The following RSU1 variants were observed in gnomAD, a reference collection of about 807,000 sequenced individuals.
RSU1 encodes the protein Ras suppressor protein 1, also known as rsu-1.
A neutral mutation model predicts 31.1 loss-of-function variants in RSU1; 26 were observed. The observed-to-expected ratio is 0.84, with a 90% confidence interval of 0.61 to 1.16. RSU1 has a LOEUF of 1.16. Ranked by LOEUF, RSU1 falls within the 50% of genes most tolerant of loss-of-function variation. The pLI is 0.00. For synonymous variants in RSU1, 164 were observed against 136.3 expected, an observed-to-expected ratio of 1.20 and a Z score of -1.41; for missense variants, 320 against 339.1, an observed-to-expected ratio of 0.94 and a Z score of 0.44.
intron 7 of RSU1, 29 bp downstream of exon 7, chr10:16,752,510 G>A (rs749358081): frequency 1.3e-6 from 2 of 1,521,592 alleles, no homozygotes; most frequent in South Asian, 1.1e-5. Flanking sequence ...ATGAAACCCA[G>A]AACTAAGTTC....
chr10:16,609,445 A>C (rs1200437739), intron 8 of RSU1, among the ~76,000 whole-genome samples: 1 of 152,180 alleles, frequency 6.6e-6, no homozygotes, highest in African/African-American at 2.4e-5. Context: ...TCATCTAAGA[A>C]TCTCACCCAC....
chr10:16,786,410 A>G (rs1312847049), intron 2 of RSU1, among the ~76,000 whole-genome samples: 2 of 152,142 alleles, frequency 1.3e-5, no homozygotes, highest in Admixed American at 6.5e-5. Context: ...CTTCTGACAC[A>G]AGATATTCAG....
intron 3 of RSU1, among the ~76,000 whole-genome samples, chr10:16,781,539 T>C (rs1837648868): frequency 6.6e-6 from 1 of 152,344 alleles, no homozygotes; most frequent in Non-Finnish European, 1.5e-5. Context: ...TCTAACAATT[T>C]CAAGTTTTCA....
At chr10:16,629,305 G>T (rs149738026) in intron 8 of RSU1, among the ~76,000 whole-genome samples, 2 of 152,128 alleles carry the variant, frequency 1.3e-5, no homozygotes, top group Non-Finnish European at 2.9e-5. Flanking sequence ...CTGCTGAACC[G>T]GCCCCTACCC....
intron 2 of RSU1, among the ~76,000 whole-genome samples, chr10:16,791,784 G>T (rs893973154): frequency 6.6e-6 from 1 of 152,098 alleles, no homozygotes; most frequent in Admixed American, 6.5e-5. Flanking sequence ...TATAAGGAAG[G>T]CAAAATAAGC....
chr10:16,730,246 A>G (rs1836480875), intron 7 of RSU1, among the ~76,000 whole-genome samples: 1 of 152,180 alleles, frequency 6.6e-6, no homozygotes, highest in Non-Finnish European at 1.5e-5. Flanking sequence ...CCAATGTCCC[A>G]AAGACCTCCC....
intron 8 of RSU1, among the ~76,000 whole-genome samples, chr10:16,610,338 C>T (rs1423566423): frequency 6.6e-6 from 1 of 152,138 alleles, no homozygotes; most frequent in Admixed American, 6.5e-5. Context: ...AGATGAAAGA[C>T]ATTTTAAAGG....
intron 7 of RSU1, among the ~76,000 whole-genome samples, chr10:16,717,320 A>G (rs551431835): frequency 6.6e-6 from 1 of 152,230 alleles, no homozygotes; most frequent in Admixed American, 6.5e-5. Flanking sequence ...TATAAGTGAC[A>G]TAACTGCCAA....
chr10:16,802,244 TTAC>T (rs1564363209), intron 2 of RSU1, among the ~76,000 whole-genome samples: 1 of 148,984 alleles, frequency 6.7e-6, no homozygotes, highest in East Asian at 1.9e-4. Context: ...AGAAGGGCCA[TTAC>T]TACTGATTTC....
chr10:16,727,245 A>G (rs569748810), intron 7 of RSU1: 1 of 427,288 alleles, frequency 2.3e-6, no homozygotes, highest in South Asian at 1.7e-5. Context: ...CTTTTGTTAT[A>G]ATTTCACAGA....
At chr10:16,619,693 T>A (rs1460798940) in intron 8 of RSU1, among the ~76,000 whole-genome samples, 2 of 152,214 alleles carry the variant, frequency 1.3e-5, no homozygotes, top group Admixed American at 6.5e-5. Flanking sequence ...CAGAATATGG[T>A]CATTTCTTAG....
intron 7 of RSU1, among the ~76,000 whole-genome samples, chr10:16,738,895 G>T (rs987304269): frequency 6.9e-6 from 1 of 145,690 alleles, no homozygotes; most frequent in Admixed American, 6.9e-5. Context: ...AGGGTGTGAT[G>T]TTCCCCTCCC....
intron 7 of RSU1, among the ~76,000 whole-genome samples, chr10:16,724,377 A>C (rs1836340793): frequency 6.6e-6 from 1 of 152,260 alleles, no homozygotes; most frequent in Admixed American, 6.5e-5. Context: ...CCAACACCAC[A>C]AACTATAATG....
At chr10:16,644,321 C>A (rs572798496) in intron 8 of RSU1, among the ~76,000 whole-genome samples, 1 of 152,142 alleles carries the variant, frequency 6.6e-6, no homozygotes, top group South Asian at 2.1e-4. Context: ...ACATGTTTCT[C>A]GATAGTCTGA....
intron 8 of RSU1, among the ~76,000 whole-genome samples, chr10:16,688,893 A>T (rs148569399): frequency 3.4e-4 from 51 of 152,094 alleles, no homozygotes; most frequent in Non-Finnish European, 1.0e-4. Flanking sequence ...CTGTAGTCCC[A>T]GGTACTAGGG....
At chr10:16,777,275 A>C (rs185727607) in intron 3 of RSU1, among the ~76,000 whole-genome samples, 12 of 152,290 alleles carry the variant, frequency 7.9e-5, no homozygotes, top group East Asian at 7.7e-4. Flanking sequence ...AAAAAAAAAA[A>C]CTCAAATATG....
chr10:16,672,102 T>C (rs1228563993), intron 8 of RSU1, among the ~76,000 whole-genome samples: 1 of 144,382 alleles, frequency 6.9e-6, no homozygotes, highest in Admixed American at 7.0e-5. Flanking sequence ...ACTGAGACCA[T>C]CCTGGCTAAC....
chr10:16,599,246 C>T (rs533465264), intron 8 of RSU1, among the ~76,000 whole-genome samples: 1 of 151,704 alleles, frequency 6.6e-6, no homozygotes, highest in Non-Finnish European at 1.5e-5. Flanking sequence ...GGGGAAGTGC[C>T]AGGATTGGCA....
chr10:16,743,571 T>C (rs1279634382), intron 7 of RSU1, among the ~76,000 whole-genome samples: 1 of 152,224 alleles, frequency 6.6e-6, no homozygotes, highest in African/African-American at 2.4e-5. Context: ...ATCTTATTCA[T>C]GCGAAAGTGG....
Sources: allele counts gnomAD v4.1 joint callset (sites outside exome capture counted in the v4.1 genomes callset), GRCh38; gene constraint gnomAD v4.1.1; transcripts MANE v1.5; gene names NCBI Gene and HGNC (gene_info 2026-07-23, HGNC 2026-07-21).